Variants in INPP5D observed in about 807,000 individuals in gnomAD.
INPP5D encodes inositol polyphosphate-5-phosphatase D.
Under a neutral mutation model 122.9 loss-of-function variants are expected in INPP5D, and 33 were observed. That is an observed-to-expected ratio of 0.27 (90% confidence interval 0.20 to 0.36). The LOEUF is 0.36. Ranked by LOEUF, INPP5D falls within the 10% of genes least tolerant of loss-of-function variation. The pLI is 1.00. For synonymous variants in INPP5D, 584 were observed against 576.2 expected (o/e 1.01, Z -0.19); for missense variants, 1,053 against 1,412.7 (o/e 0.75, Z 4.08).
At chr2:233,066,024 C>A (rs1159462102) in intron 1 of INPP5D, among the ~76,000 whole-genome samples, 2 of 151,928 alleles carry the variant, frequency 1.3e-5, no homozygotes, top group Non-Finnish European at 2.9e-5. Flanking sequence ...AGTGCAGTGG[C>A]ACAATCACAG....
intron 25 of INPP5D, 74 bp from the exon 26 acceptor site, chr2:233,204,052 G>A (rs1429604664): frequency 3.5e-6 from 5 of 1,438,626 alleles, no homozygotes; most frequent in Non-Finnish European, 2.7e-6. Context: ...GAAAGACCCA[G>A]AGCCATTAAG....
At chr2:233,145,740 G>A (rs1027762909) in intron 6 of INPP5D, among the ~76,000 whole-genome samples, 26 of 152,080 alleles carry the variant, frequency 1.7e-4, no homozygotes, top group Non-Finnish European at 3.5e-4. Flanking sequence ...GGCAGGGAAG[G>A]GGTCGGGATC....
At chr2:233,069,634 G>C (rs1691323154) in intron 1 of INPP5D, among the ~76,000 whole-genome samples, 1 of 152,016 alleles carries the variant, frequency 6.6e-6, no homozygotes, top group Non-Finnish European at 1.5e-5. Context: ...GAGATTTCTA[G>C]CAGCATTAGC....
rs533216016 is a variant in INPP5D, at chr2:233,116,589, A to G, written c.199-5518A>G. ...AGGCGTGTGCCACCATGTCTGACCA[A>G]GACCTCATAATTTTTTTTTTTCTTT... On this transcript the variant is annotated intron_variant, in intron 2 of 26. Coordinates refer to ENST00000445964, the MANE Select transcript of INPP5D (RefSeq NM_001017915.3). Among the ~76,000 whole-genome samples, 5 of 147,046 alleles carry G rather than the reference A, an allele frequency of 3.4e-5. No homozygotes were observed. The South Asian group carries it at 6.5e-4, about 19-fold the overall frequency.
intron 2 of INPP5D, among the ~76,000 whole-genome samples, chr2:233,084,431 C>T (rs967131418): frequency 2.6e-5 from 4 of 152,150 alleles, no homozygotes; most frequent in Non-Finnish European, 5.9e-5. Context: ...ATTATTCTTT[C>T]CCGATTTGGA....
intron 21 of INPP5D, among the ~76,000 whole-genome samples, chr2:233,186,809 A>G (rs1465614863): frequency 7.6e-6 from 1 of 132,046 alleles, no homozygotes; most frequent in Non-Finnish European, 1.6e-5. Flanking sequence ...TGCAACCTCA[A>G]CCTCCCAGGT....
chr2:233,129,449 T>C lies in INPP5D; in HGVS notation c.525-1059T>C, dbSNP rs115243374. Among the ~76,000 whole-genome samples, 799 of 152,310 alleles carry C rather than the reference T, an allele frequency of 5.2e-3. 8 individuals carry two copies. Among genetic ancestry groups the C allele is most frequent in the African/African-American group, 0.018 (762 of 41,560 alleles). ...ACCCAGAACAAAAGGTGCTGGAAGATAGAATGCAGACAGCTGATCCGACTT... is the reference window on the plus strand; with the variant it reads ...ACCCAGAACAAAAGGTGCTGGAAGACAGAATGCAGACAGCTGATCCGACTT... On this transcript the variant is annotated intron_variant, in intron 4 of 26. Transcript: ENST00000445964.
In INPP5D at chr2:233,206,668, G is replaced by A; in HGVS notation, c.3568-38G>A. 1 of 767,908 alleles carries A rather than the reference G, an allele frequency of 1.3e-6. No individual in the cohort carries two copies. Among genetic ancestry groups the A allele is most frequent in the Non-Finnish European group, 2.4e-6 (1 of 412,040 alleles). 47.6% of individuals were successfully genotyped at this position (767,908 alleles called of 1,614,324 possible). A position where few individuals can be genotyped will look rare whatever the true frequency, so the allele number is the denominator to read the frequency against. ...CACTTAGTTCAACATGGCCTGGTGA[G>A]AATGAGCCCTGACAGCCCTTCTGTT... On this transcript the variant is annotated intron_variant, in intron 26 of 26. Coordinates refer to ENST00000445964, the MANE Select transcript of INPP5D (RefSeq NM_001017915.3). The surrounding 1 kb of genome is among the most constrained non-coding windows in gnomAD (Gnocchi z 4.0).
At chr2:233,081,881 C>G (rs1197383681) in intron 2 of INPP5D, among the ~76,000 whole-genome samples, 3 of 152,182 alleles carry the variant, frequency 2.0e-5, no homozygotes, top group Non-Finnish European at 4.4e-5. Flanking sequence ...ATGGCTCAGC[C>G]TCCACGGCTT....
chr2:233,117,107 C>T (rs1038738663), intron 2 of INPP5D, among the ~76,000 whole-genome samples: 18 of 152,150 alleles, frequency 1.2e-4, no homozygotes, highest in Admixed American at 3.9e-4. Context: ...GATCATGTCC[C>T]GGCTGACTTG....
intron 1 of INPP5D, among the ~76,000 whole-genome samples, chr2:233,061,271 G>C (rs879307021): frequency 6.4e-5 from 9 of 141,134 alleles, no homozygotes; most frequent in Non-Finnish European, 1.0e-4. Context: ...TCCTCCCACT[G>C]CCCGGTTGGG....
At chr2:233,124,594 G>T (rs1016291483) in intron 3 of INPP5D, among the ~76,000 whole-genome samples, 1 of 152,164 alleles carries the variant, frequency 6.6e-6, no homozygotes, top group Non-Finnish European at 1.5e-5. Flanking sequence ...CACCAGCACC[G>T]CGCCCTGGCT....
chr2:233,206,970 G>A lies in INPP5D; in HGVS notation c.*262G>A. On this transcript the variant is annotated 3_prime_UTR_variant, in exon 27 of 27. Coordinates refer to ENST00000445964, the MANE Select transcript of INPP5D (RefSeq NM_001017915.3). The surrounding 1 kb of genome is among the most constrained non-coding windows in gnomAD (Gnocchi z 4.0). The stretch of plus-strand genomic sequence containing the variant: ...TCCCCAGCTCGCTCTTGGTACTTGG[G>A]ACCCCAGTGCCTCGTTGAGGGCGCC... The A allele has an allele frequency of 2.1e-6, 1 of 479,848 alleles. No individual in the cohort carries two copies. Among genetic ancestry groups the A allele is most frequent in the South Asian group, 2.4e-5 (1 of 41,424 alleles). 29.7% of individuals were successfully genotyped at this position (479,848 alleles called of 1,614,324 possible). A position where few individuals can be genotyped will look rare whatever the true frequency, so the allele number is the denominator to read the frequency against.
rs545764058 is a variant in INPP5D, at chr2:233,158,724, G to C, written c.1137+305G>C. ...CCCACACCTGGGGGAAAGGCTTTCA[G>C]CTTCTCTGGGCTGGACTTGGGAAAT... On this transcript the variant is annotated intron_variant, in intron 10 of 26. Transcript: ENST00000445964. Among the ~76,000 whole-genome samples the C allele has an allele frequency of 7.1e-4, 108 of 152,190 alleles. 1 individual carries two copies. Among genetic ancestry groups the C allele is most frequent in the African/African-American group, 2.6e-3 (106 of 41,526 alleles).
intron 18 of INPP5D, among the ~76,000 whole-genome samples, chr2:233,181,569 A>G (rs1023530489): frequency 6.6e-5 from 10 of 152,330 alleles, no homozygotes; most frequent in African/African-American, 2.4e-4. Context: ...CTATCTTGAA[A>G]GAACTGTCTT....
chr2:233,124,257 T>C (rs758119084), intron 3 of INPP5D, among the ~76,000 whole-genome samples: 63 of 151,924 alleles, frequency 4.1e-4, no homozygotes, highest in Admixed American at 6.6e-4. Flanking sequence ...AGAGGAGAGA[T>C]TTGTCCACAG....
rs1357728968 is a variant in INPP5D at position 233,197,495 on chromosome 2, C to T, written c.2694-600C>T. ...CCCCCCCACCATCTCTCTGCCCTGC[C>T]AGCCTTGCCAGCTTCTCATTCCATC... On this transcript the variant is annotated intron_variant, in intron 24 of 26. Transcript: ENST00000445964. The surrounding 1 kb of genome is among the most constrained non-coding windows in gnomAD (Gnocchi z 4.4). Among the ~76,000 whole-genome samples, 1 of 152,158 alleles carries T rather than the reference C, an allele frequency of 6.6e-6. No individual in the cohort carries two copies. The highest frequency in any genetic ancestry group is 1.5e-5 in the Non-Finnish European group (1 of 68,020).
intron 2 of INPP5D, among the ~76,000 whole-genome samples, chr2:233,088,717 A>G (rs1691914945): frequency 6.6e-6 from 1 of 152,246 alleles, no homozygotes; most frequent in Non-Finnish European, 1.5e-5. Context: ...GCTCGCTGAC[A>G]CCAACATGGG....
intron 1 of INPP5D, among the ~76,000 whole-genome samples, chr2:233,079,058 G>T (rs1044721189): frequency 4.6e-5 from 7 of 152,116 alleles, no homozygotes; most frequent in African/African-American, 1.7e-4. Context: ...GACTCCTTTA[G>T]ATCAGATCCT....
Sources: allele counts gnomAD v4.1 joint callset (sites outside exome capture counted in the v4.1 genomes callset), GRCh38; gene constraint gnomAD v4.1.1; non-coding constraint Gnocchi (gnomAD v3.1); transcripts MANE v1.5; gene names NCBI Gene and HGNC (gene_info 2026-07-23, HGNC 2026-07-21).